PRAMEF15: variants seen among roughly 807,000 people sequenced by gnomAD.
PRAMEF15 encodes PRAME family member 9/15.
A neutral mutation model predicts 35.3 loss-of-function variants in PRAMEF15; 21 were observed. The ratio of observed to expected loss-of-function variants is 0.59; its 90% CI spans 0.42 to 0.86. The LOEUF (loss-of-function observed/expected upper bound fraction) is 0.86. PRAMEF15 is among the 40% of genes least tolerant of loss of function. The pLI, the probability that PRAMEF15 is intolerant of heterozygous loss-of-function variation, is 0.00. For synonymous variants in PRAMEF15, 122 were observed against 223.3 expected, an observed-to-expected ratio of 0.55 and a Z score of 4.05; for missense variants, 360 against 574.1, an observed-to-expected ratio of 0.63 and a Z score of 3.81.
At chr1:13,319,214 C>T (rs4376728) in intron 2 of PRAMEF15, among the ~76,000 whole-genome samples, 158 bp from the exon 3 acceptor site, 1 of 145,926 alleles carries the variant, frequency 6.9e-6, no homozygotes, top group Non-Finnish European at 1.5e-5. Flanking sequence ...AAAAACAAAA[C>T]AATGTGGAAG....
Position 13,319,565 on chromosome 1 carries a change from G to A in PRAMEF15, c.487G>A (p.Asp163Asn), listed in dbSNP as rs1245350268. ...ACTTTGGCTCAAGAACAGGACTCTGGATGAATACCTCACCTACCTCCTTCT... is the reference window on the plus strand; with the variant it reads ...ACTTTGGCTCAAGAACAGGACTCTGAATGAATACCTCACCTACCTCCTTCT... ...VELWLKNRTL[D>N]EYLTYLLLWV... The change falls in exon 3 of 4, where the codon GAT becomes AAT. Residue 163 changes from aspartate to asparagine, a missense_variant. Asp to Asn is a conservative substitution (Grantham distance 23). Coordinates refer to ENST00000376152, the MANE Select transcript of PRAMEF15 (RefSeq NM_001098376.3). 1.2e-6 allele frequency: 2 copies of A among 1,613,740 alleles called. No individual in the cohort carries two copies. Among genetic ancestry groups the A allele is most frequent in the African/African-American group, 2.7e-5 (2 of 74,930 alleles).
At chr1:13,321,503 C>T (rs1361769449) in intron 3 of PRAMEF15, among the ~76,000 whole-genome samples, 200 bp from the exon 4 acceptor site, 1 of 151,870 alleles carries the variant, frequency 6.6e-6, no homozygotes, top group Non-Finnish European at 1.5e-5. Flanking sequence ...GTGTGAGTTA[C>T]TGGGCCGGGT....
Position 13,322,406 on chromosome 1 carries a change from A to T in PRAMEF15, c.*142A>T, listed in dbSNP as rs1184322778. 1.5e-6 allele frequency: 1 copy of T among 672,856 alleles called. No homozygotes were observed. Among genetic ancestry groups the T allele is most frequent in the Non-Finnish European group, 2.5e-6 (1 of 400,244 alleles). The allele number at this position is 672,856 out of a possible 1,614,324, so 41.7% of individuals were successfully genotyped here. On this transcript the variant is annotated 3_prime_UTR_variant, in exon 4 of 4. Transcript: ENST00000376152. ...CTCTGAAAGTGGGAAAGGAAAGCTG[A>T]TCAAGCAGGGGCCGGACTTGGGGGA...
At chr1:13,320,075 C>G (rs1188787865) in intron 3 of PRAMEF15, 122 bp downstream of exon 3, 5 of 1,579,698 alleles carry the variant, frequency 3.2e-6, no homozygotes, top group African/African-American at 1.3e-5. Context: ...ACTAGAATGT[C>G]CATGCATTGT....
chr1:13,322,373 C>A lies in PRAMEF15; in HGVS notation c.*109C>A, dbSNP rs1640096448. On this transcript the variant is annotated 3_prime_UTR_variant, in exon 4 of 4. Transcript: ENST00000376152. ...AGGGAGCACAGAACCCATCATTTCA[C>A]ACATAGGCTCTGAAAGTGGGAAAGG... 1.3e-5 allele frequency: 10 copies of A among 744,196 alleles called. No individual in the cohort carries two copies. In the South Asian group the frequency reaches 1.9e-4, roughly 14 times the overall value. 46.1% of individuals were successfully genotyped at this position (744,196 alleles called of 1,614,324 possible). A position where few individuals can be genotyped will look rare whatever the true frequency, so the allele number is the denominator to read the frequency against.
At position 13,322,031 on chromosome 1, in the gene PRAMEF15, A is replaced by T; in HGVS notation, c.1204A>T (p.Ser402Cys). The change falls in exon 4 of 4, where the codon AGC becomes TGC. Residue 402 changes from serine (S) to cysteine (C), a missense_variant. Transcript: ENST00000376152. ...ICMATLENLL[S>C]HTIILKNLCV... ...CATGGCCACCCTGGAGAACCTGCTGAGCCACACAATCATACTCAAAAACTT... is the reference window on the plus strand; with the variant it reads ...CATGGCCACCCTGGAGAACCTGCTGTGCCACACAATCATACTCAAAAACTT... 1 of 1,609,888 alleles carries T rather than the reference A, an allele frequency of 6.2e-7. No homozygotes were observed. The highest frequency in any genetic ancestry group is 1.7e-5 in the Admixed American group (1 of 59,862).
chr1:13,318,237 G>T (rs1391582409), intron 1 of PRAMEF15, among the ~76,000 whole-genome samples, 155 bp from the exon 2 acceptor site: 1 of 152,142 alleles, frequency 6.6e-6, no homozygotes, highest in Admixed American at 6.6e-5. Flanking sequence ...GAGGCAGAAT[G>T]CTGGCTTAAT....
intron 3 of PRAMEF15, among the ~76,000 whole-genome samples, chr1:13,320,827 G>GC (rs1341873107): frequency 1.4e-3 from 210 of 152,246 alleles, no homozygotes; most frequent in African/African-American, 4.9e-3. Context: ...TCAGCTTTGT[G>GC]CCCCACAGTT....
At position 13,319,293 on chromosome 1, in the gene PRAMEF15, G is replaced by A. The variant is rs1569793511; in HGVS notation, c.294-79G>A. On this transcript the variant is annotated intron_variant, in intron 2 of 3. Coordinates refer to ENST00000376152, the MANE Select transcript of PRAMEF15 (RefSeq NM_001098376.3). ...AGAGGGACAACAAGCAGGGAGGGGA[G>A]GAGCTGCTATCCAGGATGTGGAGTT... is the stretch of plus-strand genomic sequence containing the variant. 2.5e-6 allele frequency: 4 copies of A among 1,592,408 alleles called. No individual in the cohort carries two copies. In the East Asian group the frequency reaches 9.0e-5, roughly 36 times the overall value.
intron 2 of PRAMEF15, among the ~76,000 whole-genome samples, chr1:13,319,130 G>T (rs1272062798): frequency 5.3e-5 from 8 of 151,090 alleles, no homozygotes; most frequent in South Asian, 2.1e-4. Flanking sequence ...GGAAGCAGAG[G>T]TTGCAGTGAG....
At chr1:13,319,249 G>A (rs782561894) in intron 2 of PRAMEF15, 123 bp from the exon 3 acceptor site, 32 of 1,518,148 alleles carry the variant, frequency 2.1e-5, no homozygotes, top group Non-Finnish European at 2.4e-5. Flanking sequence ...GGGGAAAACA[G>A]AGTGAAGAAA....
At chr1:13,316,920 T>C (rs1489842416) in intron 1 of PRAMEF15, among the ~76,000 whole-genome samples, 2 of 150,176 alleles carry the variant, frequency 1.3e-5, no homozygotes, top group East Asian at 2.0e-4. Context: ...TCCATGTTTG[T>C]GAAGGGAATC....
At chr1:13,320,244 G>T (rs1179207276) in intron 3 of PRAMEF15, among the ~76,000 whole-genome samples, 2 of 152,032 alleles carry the variant, frequency 1.3e-5, no homozygotes, top group Non-Finnish European at 2.9e-5. Context: ...TTCTTCCTGA[G>T]GACATGTGTC....
chr1:13,321,122 C>A (rs1640078375), intron 3 of PRAMEF15, among the ~76,000 whole-genome samples: 1 of 151,630 alleles, frequency 6.6e-6, no homozygotes, highest in Non-Finnish European at 1.5e-5. Flanking sequence ...TTCTGCCTGA[C>A]AGATGAGGAA....
At chr1:13,316,338 T>A (rs2100313157) in intron 1 of PRAMEF15, among the ~76,000 whole-genome samples, 1 of 151,598 alleles carries the variant, frequency 6.6e-6, no homozygotes, top group East Asian at 1.9e-4. Flanking sequence ...TGTGGGAGAA[T>A]CACTTGAGCA....
chr1:13,317,425 C>T (rs2797722), intron 1 of PRAMEF15, among the ~76,000 whole-genome samples: 2 of 151,200 alleles, frequency 1.3e-5, no homozygotes, highest in African/African-American at 4.9e-5. Context: ...ATCTATCTTG[C>T]GAATGATGCA....
chr1:13,318,330 G>A, intron 1 of PRAMEF15, 62 bp from the exon 2 acceptor site: 2 of 1,587,700 alleles, frequency 1.3e-6, no homozygotes, highest in East Asian at 2.2e-5. Context: ...CATAGGAGAA[G>A]ATGAGATTGC....
intron 1 of PRAMEF15, among the ~76,000 whole-genome samples, chr1:13,317,285 G>A (rs1340671811): frequency 4.6e-5 from 7 of 151,918 alleles, no homozygotes; most frequent in South Asian, 2.1e-4. Flanking sequence ...GGCCAGGCTC[G>A]TCTTGAATTC....
chr1:13,320,007 C>G (rs1222649356), intron 3 of PRAMEF15, 54 bp downstream of exon 3: 3 of 1,586,998 alleles, frequency 1.9e-6, no homozygotes, highest in Admixed American at 3.4e-5. Context: ...CTGTTACAGT[C>G]AACACTAGTG....
Sources: gnomAD v4.1 joint callset for allele counts (sites outside exome capture counted in the v4.1 genomes callset) on GRCh38, gnomAD v4.1.1 for gene constraint, MANE v1.5 for transcripts, NCBI Gene and HGNC (gene_info 2026-07-23, HGNC 2026-07-21) for gene names.